The following RBFOX1 variants were observed in gnomAD, a reference collection of about 807,000 sequenced individuals.
The protein encoded by RBFOX1 is RNA binding fox-1 homolog 1.
RBFOX1 carries 8 observed loss-of-function variants against 57.7 expected under a neutral mutation model. The ratio of observed to expected loss-of-function variants is 0.14; its 90% confidence interval spans 0.08 to 0.25. RBFOX1 has a LOEUF of 0.25. Ranked by LOEUF, RBFOX1 falls within the 10% of genes least tolerant of loss-of-function variation. The pLI is 1.00. For missense variants in RBFOX1, 611 were observed against 548.5 expected (o/e 1.11, Z -1.14); for synonymous variants, 326 against 222.4 (o/e 1.47, Z -4.15).
intron 11 of RBFOX1, among the ~76,000 whole-genome samples, chr16:7,639,332 G>C (rs2062357046): frequency 6.6e-6 from 1 of 152,168 alleles, no homozygotes; most frequent in Admixed American, 6.5e-5. Flanking sequence ...CAGGGAATCA[G>C]ACACTCCTTC....
At chr16:7,462,966 C>G (rs1567300803) in intron 4 of RBFOX1, among the ~76,000 whole-genome samples, 1 of 152,180 alleles carries the variant, frequency 6.6e-6, no homozygotes, top group Non-Finnish European at 1.5e-5. Flanking sequence ...AGATCTGTAA[C>G]TTGAATTACA....
At chr16:6,444,469 G>C (rs2094445842) in intron 2 of RBFOX1, among the ~76,000 whole-genome samples, 1 of 152,116 alleles carries the variant, frequency 6.6e-6, no homozygotes, top group Non-Finnish European at 1.5e-5. Context: ...TTGTGATAAT[G>C]AATAAGTCTC....
intron 4 of RBFOX1, among the ~76,000 whole-genome samples, chr16:5,900,830 C>A (rs139500362): frequency 7.2e-5 from 11 of 152,290 alleles, no homozygotes; most frequent in Admixed American, 1.3e-4. Context: ...ATCCAGGAAG[C>A]TGCAGGAGCT....
chr16:5,971,963 C>G (rs1428393603), intron 4 of RBFOX1, among the ~76,000 whole-genome samples: 2 of 152,236 alleles, frequency 1.3e-5, no homozygotes, highest in Non-Finnish European at 1.5e-5. Flanking sequence ...TCCCCTGCAT[C>G]AGAGAGAATT....
At chr16:6,329,310 G>T (rs1422396880) in intron 2 of RBFOX1, among the ~76,000 whole-genome samples, 2 of 152,186 alleles carry the variant, frequency 1.3e-5, no homozygotes, top group African/African-American at 2.4e-5. Context: ...GACTGAGTGA[G>T]ATAGGTTCTG....
chr16:6,917,167 C>T (rs2073382976), intron 3 of RBFOX1, among the ~76,000 whole-genome samples: 1 of 152,072 alleles, frequency 6.6e-6, no homozygotes, highest in Admixed American at 6.6e-5. Context: ...TGATTTTGTC[C>T]ACAGAGCAGA....
chr16:6,639,220 A>C (rs1363199135), intron 2 of RBFOX1, among the ~76,000 whole-genome samples: 1 of 152,190 alleles, frequency 6.6e-6, no homozygotes, highest in African/African-American at 2.4e-5. Flanking sequence ...ATTGGCATAA[A>C]TCTTGGACTG....
At chr16:6,876,781 C>G (rs1178064520) in intron 3 of RBFOX1, among the ~76,000 whole-genome samples, 1 of 152,018 alleles carries the variant, frequency 6.6e-6, no homozygotes, top group Non-Finnish European at 1.5e-5. Flanking sequence ...ATTTGCATTA[C>G]AAGAAAACAT....
At chr16:5,645,460 G>C (rs1332933079) in intron 3 of RBFOX1, among the ~76,000 whole-genome samples, 1 of 152,118 alleles carries the variant, frequency 6.6e-6, no homozygotes, top group Non-Finnish European at 1.5e-5. Flanking sequence ...TTGGGAATTG[G>C]ATGTGATGTT....
chr16:7,557,904 G>A (rs143797520), intron 5 of RBFOX1, among the ~76,000 whole-genome samples: 1 of 151,954 alleles, frequency 6.6e-6, no homozygotes, highest in East Asian at 1.9e-4. Context: ...TGAACACAGA[G>A]TTAGGAAAAA....
chr16:5,950,612 G>A (rs1173736696), intron 4 of RBFOX1, among the ~76,000 whole-genome samples: 2 of 152,036 alleles, frequency 1.3e-5, no homozygotes, highest in East Asian at 3.9e-4. Flanking sequence ...CAAATTGTCC[G>A]AAGTCTAACC....
chr16:6,356,843 A>G (rs932045198), intron 2 of RBFOX1, among the ~76,000 whole-genome samples: 2 of 152,208 alleles, frequency 1.3e-5, no homozygotes, highest in African/African-American at 2.4e-5. Context: ...TACTAGGGAA[A>G]GTGAGTGTGG....
chr16:7,339,655 G>A (rs1014255415), intron 4 of RBFOX1, among the ~76,000 whole-genome samples: 1 of 152,162 alleles, frequency 6.6e-6, no homozygotes, highest in Non-Finnish European at 1.5e-5. Context: ...GGCTGGGCTG[G>A]TCTTGAACTC....
chr16:6,425,248 G>C (rs1048990129), intron 2 of RBFOX1, among the ~76,000 whole-genome samples: 7 of 152,140 alleles, frequency 4.6e-5, no homozygotes, highest in Non-Finnish European at 7.4e-5. Context: ...GGAGAGTATG[G>C]TCAACAGGTA....
rs577414085 is a variant in RBFOX1, at chr16:7,035,830, A to G, written c.-15-16227A>G. Among the ~76,000 whole-genome samples the G allele has an allele frequency of 6.6e-5, 10 of 152,268 alleles. No homozygotes were observed. The South Asian group carries it at 1.0e-3, about 16-fold the overall frequency. ...TTTAAGAGTTCATTTTGTGTGAAGC[A>G]TATGTCTTCCAGCACTCCTTCCATT... On this transcript the variant is annotated intron_variant, in intron 3 of 15. Transcript: ENST00000550418.
At chr16:6,940,763 AGTGTGTGTGTGTGTGT>A (rs61349150) in intron 3 of RBFOX1, among the ~76,000 whole-genome samples, 93 of 114,474 alleles carry the variant, frequency 8.1e-4, no homozygotes, top group African/African-American at 2.1e-3. Context: ...ATGTCCCGCT[AGTGTGTGTGTGTGTGT>A]GTGTGTGTGT....
At chr16:5,792,154 G>T (rs2054724016) in intron 3 of RBFOX1, among the ~76,000 whole-genome samples, 1 of 152,202 alleles carries the variant, frequency 6.6e-6, no homozygotes, top group South Asian at 2.1e-4. Flanking sequence ...AGTCTAAGGG[G>T]CTGATAAAAG....
At chr16:6,647,406 G>A (rs1290688248) in intron 2 of RBFOX1, among the ~76,000 whole-genome samples, 1 of 151,976 alleles carries the variant, frequency 6.6e-6, no homozygotes. Context: ...CACCATGCCT[G>A]GCTAATTTTT....
chr16:7,535,868 AAAGTAG>A (rs544545339), intron 5 of RBFOX1, among the ~76,000 whole-genome samples: 3 of 152,366 alleles, frequency 2.0e-5, no homozygotes, highest in African/African-American at 7.2e-5. Flanking sequence ...TGCCTGGAAC[AAAGTAG>A]ATACTCAATA....
Sources: gnomAD v4.1 joint callset for allele counts (sites outside exome capture counted in the v4.1 genomes callset) on GRCh38, gnomAD v4.1.1 for gene constraint, MANE v1.5 for transcripts, NCBI Gene and HGNC (gene_info 2026-07-23, HGNC 2026-07-21) for gene names.